The following HSPG2 variants were observed in gnomAD, a reference collection of about 807,000 sequenced individuals.
HSPG2 encodes heparan sulfate proteoglycan 2.
Under a neutral mutation model 526.6 loss-of-function variants are expected in HSPG2, and 278 were observed. The observed-to-expected ratio is 0.53, with a 90% CI of 0.48 to 0.58. HSPG2 has a LOEUF of 0.58. HSPG2 is among the 20% of genes least tolerant of loss of function. HSPG2 has a pLI of 0.00. For missense variants in HSPG2, 5,354 were observed against 6,099.5 expected (o/e 0.88, Z 4.07); for synonymous variants, 2,465 against 2,555.4 (o/e 0.96, Z 1.07).
intron 1 of HSPG2, among the ~76,000 whole-genome samples, chr1:21,913,329 C>G (rs138546134): frequency 6.6e-6 from 1 of 152,308 alleles, no homozygotes; most frequent in East Asian, 1.9e-4. Context: ...CCCAGTCAGA[C>G]AGGCCCAGCC....
rs552762164 is a variant in HSPG2 at position 21,894,603 on chromosome 1, C to T, written c.244+1319G>A. 1.6e-4 allele frequency among the ~76,000 whole-genome samples: 24 copies of T among 152,280 alleles called. No homozygotes were observed. In the South Asian group the frequency reaches 2.1e-3, roughly 13 times the overall value. On this transcript the variant is annotated intron_variant, in intron 3 of 96. Transcript: ENST00000374695. Reference sequence around the variant, plus strand: ...TCCCCACCTCTTCCCCCTCTGGCCTCGTCTGCCCTCACAGCTGCTTCTCAG... The same window carrying T: ...TCCCCACCTCTTCCCCCTCTGGCCTTGTCTGCCCTCACAGCTGCTTCTCAG...
At chr1:21,829,658 G>C in intron 86 of HSPG2, 54 bp from the exon 87 acceptor site, 2 of 1,478,902 alleles carry the variant, frequency 1.4e-6, no homozygotes, top group Non-Finnish European at 1.9e-6. Flanking sequence ...CCTCGGGTGG[G>C]GTCCAGCTAC....
chr1:21,852,627 G>A (rs754853418), intron 52 of HSPG2, 73 bp downstream of exon 52: 106 of 1,597,444 alleles, frequency 6.6e-5, no homozygotes, highest in Non-Finnish European at 8.7e-5. Flanking sequence ...CAGCAAGAGG[G>A]GTCCCTTGGA....
At position 21,843,023 on chromosome 1, in the gene HSPG2, G is replaced by A. The variant is rs1377923234; in HGVS notation, c.8759-102C>T. The A allele has an allele frequency of 1.8e-5, 25 of 1,377,846 alleles. 1 individual carries two copies. The highest frequency in any genetic ancestry group is 1.4e-4 in the South Asian group (12 of 83,074). The allele number at this position is 1,377,846 out of a possible 1,614,324, so 85.4% of individuals were successfully genotyped here. ...ACCAGCTCCAGTTGATCCTGGGGGC[G>A]CGGTGGCTTGAGAGTGGCTGATATA... On this transcript the variant is annotated intron_variant, in intron 66 of 96. Transcript: ENST00000374695.
At chr1:21,889,930 G>A (rs1642229228) in intron 6 of HSPG2, 51 bp downstream of exon 6, 1 of 1,604,910 alleles carries the variant, frequency 6.2e-7, no homozygotes, top group Admixed American at 1.7e-5. Flanking sequence ...ACACTGAAAG[G>A]GGACCCCACG....
At chr1:21,826,796 A>T (rs1034274784) in intron 91 of HSPG2, among the ~76,000 whole-genome samples, 4 of 152,180 alleles carry the variant, frequency 2.6e-5, no homozygotes, top group African/African-American at 9.6e-5. Context: ...GGCGTGAGCC[A>T]GTGTGCCCGG....
Position 21,875,843 on chromosome 1 carries a change from C to G in HSPG2, c.3183+20G>C, listed in dbSNP as rs752820475. 8.1e-6 allele frequency: 13 copies of G among 1,613,214 alleles called. No homozygotes were observed. Among genetic ancestry groups the G allele is most frequent in the African/African-American group, 1.3e-5 (1 of 74,832 alleles). ...AAGGGCCTGCCCGCACCCCTACCCCCAGGGGACAGTATTGCTCACCTCCCG... is the reference window on the plus strand; with the variant it reads ...AAGGGCCTGCCCGCACCCCTACCCCGAGGGGACAGTATTGCTCACCTCCCG... On this transcript the variant is annotated intron_variant, in intron 24 of 96. Coordinates refer to ENST00000374695, the MANE Select transcript of HSPG2 (RefSeq NM_005529.7).
Position 21,890,727 on chromosome 1 carries a change from C to A in HSPG2, c.245-33G>T. 6.6e-7 allele frequency: 1 copy of A among 1,526,178 alleles called. No individual in the cohort carries two copies. The highest frequency in any genetic ancestry group is 1.1e-5 in the South Asian group (1 of 89,304). The allele number at this position is 1,526,178 out of a possible 1,614,324, so 94.5% of individuals were successfully genotyped here. On this transcript the variant is annotated intron_variant, in intron 3 of 96. Transcript: ENST00000374695. The surrounding 1 kb of genome is among the most constrained non-coding windows in gnomAD (Gnocchi z 4.1). ...ATCGAAGGAGGATCATTTTGAGAGCCCCAGCCTGGCATCTAGTGGCCTTAG... is the reference window on the plus strand; with the variant it reads ...ATCGAAGGAGGATCATTTTGAGAGCACCAGCCTGGCATCTAGTGGCCTTAG...
intron 74 of HSPG2, among the ~76,000 whole-genome samples, chr1:21,837,318 G>C (rs1473046453): frequency 2.6e-5 from 4 of 152,138 alleles, no homozygotes; most frequent in Admixed American, 2.6e-4. Context: ...GTCTCGCTCT[G>C]TTCCCAGGCT....
Position 21,855,316 on chromosome 1 carries a change from G to A in HSPG2, c.5985C>T (p.Ser1995=). The A allele has an allele frequency of 4.4e-6, 7 of 1,604,968 alleles. No homozygotes were observed. Among genetic ancestry groups the A allele is most frequent in the Non-Finnish European group, 5.1e-6 (6 of 1,176,844 alleles). The change falls in exon 47 of 97, where the codon AGC becomes AGT. Residue 1995 remains serine, a synonymous_variant. Coordinates refer to ENST00000374695, the MANE Select transcript of HSPG2 (RefSeq NM_005529.7). ...ATITWRKEGG[S]LPPQARSERT... ...CCCATCTCCTCACCTGTGGTGGGAGGCTGCCCCCTTCCTTCCTCCAGGTGA... is the reference window on the plus strand; with the variant it reads ...CCCATCTCCTCACCTGTGGTGGGAGACTGCCCCCTTCCTTCCTCCAGGTGA...
At chr1:21,901,974 G>C (rs1327918877) in intron 1 of HSPG2, among the ~76,000 whole-genome samples, 1 of 152,124 alleles carries the variant, frequency 6.6e-6, no homozygotes, top group African/African-American at 2.4e-5. Flanking sequence ...CAGGATGCAG[G>C]CTCCTAGGTA....
In HSPG2 at chr1:21,876,316, C is replaced by T. The variant is rs1294706536; in HGVS notation, c.2916G>A (p.Thr972=). The stretch of plus-strand genomic sequence containing the variant: ...AGGAGGAGAATCCCAGTTCCCCGGG[C>T]GTGGGGGAGAAGATGCCCTCGTTGG... The part of the protein sequence containing the change: ...HTTNEGIFSP[T]PGELGFSSFH... The change falls in exon 23 of 97, where the codon ACG becomes ACA. Residue 972 remains threonine, a synonymous_variant. Transcript: ENST00000374695. 10 of 1,613,962 alleles carry T rather than the reference C, an allele frequency of 6.2e-6. No individual in the cohort carries two copies. The highest frequency in any genetic ancestry group is 2.2e-5 in the East Asian group (1 of 44,860).
intron 18 of HSPG2, 144 bp from the exon 19 acceptor site, chr1:21,878,807 T>C (rs897686176): frequency 1.7e-6 from 2 of 1,172,330 alleles, no homozygotes; most frequent in East Asian, 5.0e-5. Context: ...TCACAGCAAC[T>C]GTAGGAAGTC....
chr1:21,920,383 G>A (rs533724477), intron 1 of HSPG2, among the ~76,000 whole-genome samples: 1 of 152,310 alleles, frequency 6.6e-6, no homozygotes, highest in African/African-American at 2.4e-5. Context: ...CCACAGGCGT[G>A]GAGCTGAAGA....
chr1:21,902,089 C>A (rs921187472), intron 1 of HSPG2, among the ~76,000 whole-genome samples: 2 of 152,198 alleles, frequency 1.3e-5, no homozygotes, highest in Non-Finnish European at 2.9e-5. Context: ...TGTCCACAGG[C>A]GACAGACAGC....
At chr1:21,888,769 GAGGGCTGC>G in intron 6 of HSPG2, 1 of 1,294,286 alleles carries the variant, frequency 7.7e-7, no homozygotes, top group Non-Finnish European at 1.0e-6. Context: ...GCCGGGAGCT[GAGGGCTGC>G]AGGGCTGGGC....
chr1:21,831,621 C>T (rs1455988197), intron 82 of HSPG2, 31 bp downstream of exon 82: 1 of 1,612,340 alleles, frequency 6.2e-7, no homozygotes, highest in Non-Finnish European at 8.5e-7. Context: ...GGGATGAGGG[C>T]TGGAAGTAGC....
At chr1:21,825,403 C>G (rs1314826683) in intron 91 of HSPG2, among the ~76,000 whole-genome samples, 1 of 152,220 alleles carries the variant, frequency 6.6e-6, no homozygotes, top group Non-Finnish European at 1.5e-5. Context: ...CAGTCCGGAG[C>G]TACTGGGACC....
At position 21,829,004 on chromosome 1, in the gene HSPG2, T is replaced by C; in HGVS notation, c.12068A>G (p.Lys4023Arg). The C allele has an allele frequency of 6.4e-7, 1 of 1,565,602 alleles. No individual in the cohort carries two copies. The highest frequency in any genetic ancestry group is 8.7e-7 in the Non-Finnish European group (1 of 1,155,856). ...WHRVSAERLN[K>R]DGSLRVNGGR... is the part of the protein sequence containing the mutation. ...ACCATTCACCCGCAGGCTGCCGTCC[T>C]TGTTGAGACGCTCTGCAGACACACG... is the stretch of plus-strand genomic sequence containing the variant. The change falls in exon 88 of 97, where the codon AAG (lysine) becomes AGG (arginine). Residue 4023 changes from lysine to arginine, a missense_variant. Physicochemically the swap from Lys to Arg is conservative, Grantham distance 26 (BLOSUM62 2). Transcript: ENST00000374695.
Sources: allele counts gnomAD v4.1 joint callset (sites outside exome capture counted in the v4.1 genomes callset), GRCh38; gene constraint gnomAD v4.1.1; non-coding constraint Gnocchi (gnomAD v3.1); transcripts MANE v1.5; gene names NCBI Gene and HGNC (gene_info 2026-07-23, HGNC 2026-07-21).